Variants in CHSY3 observed in about 807,000 individuals in gnomAD.
CHSY3 encodes the protein N-acetylgalactosaminyl-proteoglycan 3-beta-glucuronosyltransferase 3.
In CHSY3, 35 loss-of-function variants were observed where a neutral mutation model predicts 67.2. The ratio of observed to expected loss-of-function variants is 0.52; its 90% confidence interval spans 0.40 to 0.69. CHSY3 has a LOEUF of 0.69. Ranked by LOEUF, CHSY3 falls within the 30% of genes least tolerant of loss-of-function variation. The pLI is 0.00. For missense variants in CHSY3, 1,069 were observed against 1,138.5 expected, an observed-to-expected ratio of 0.94 and a Z score of 0.88; for synonymous variants, 474 against 434.7, an observed-to-expected ratio of 1.09 and a Z score of -1.12.
At chr5:130,016,843 G>T (rs1463363878) in intron 2 of CHSY3, among the ~76,000 whole-genome samples, 2 of 152,202 alleles carry the variant, frequency 1.3e-5, no homozygotes, top group African/African-American at 4.8e-5. Flanking sequence ...CTTGGATTTT[G>T]TTTAGTGGCA....
At position 130,185,505 on chromosome 5, in the gene CHSY3, G is replaced by T; in HGVS notation, c.2363G>T (p.Ser788Ile). The T allele has an allele frequency of 6.2e-7, 1 of 1,614,158 alleles. No homozygotes were observed. Among genetic ancestry groups the T allele is most frequent in the South Asian group, 1.1e-5 (1 of 91,090 alleles). Reference protein sequence around the residue: ...YGYGITCIYKSDLLGAGGFDT... With the variant: ...YGYGITCIYKIDLLGAGGFDT... Reference sequence around the variant, plus strand: ...TATGGCATCACCTGTATTTACAAAAGTGATCTTCTAGGTGCAGGTGGATTT... The same window carrying T: ...TATGGCATCACCTGTATTTACAAAATTGATCTTCTAGGTGCAGGTGGATTT... The change falls in exon 3 of 3, where the codon AGT becomes ATT. Residue 788 changes from serine to isoleucine, a missense_variant. Physicochemically the swap from Ser to Ile is moderately radical, Grantham distance 142 (BLOSUM62 -2). This residue lies in a region of CHSY3 where 139 missense variants were observed against 152.8 expected (regional missense o/e 0.91). Transcript: ENST00000305031.
At chr5:130,027,202 A>G (rs1764570653) in intron 2 of CHSY3, among the ~76,000 whole-genome samples, 1 of 152,164 alleles carries the variant, frequency 6.6e-6, no homozygotes, top group Non-Finnish European at 1.5e-5. Context: ...AGCAAATTGT[A>G]TAATGTGAGT....
In CHSY3 at chr5:130,185,517, G is replaced by T. The variant is rs201240668; in HGVS notation, c.2375G>T (p.Gly792Val). 3 of 1,614,040 alleles carry T rather than the reference G, an allele frequency of 1.9e-6. No individual in the cohort carries two copies. Among genetic ancestry groups the T allele is most frequent in the Non-Finnish European group, 2.5e-6 (3 of 1,180,022 alleles). ...TGTATTTACAAAAGTGATCTTCTAG[G>T]TGCAGGTGGATTTGATACCTCAATA... ...ITCIYKSDLL[G>V]AGGFDTSIQG... is the part of the protein sequence containing the mutation. Residue 792 changes from glycine to valine, a missense_variant, in exon 3 of 3, where the codon GGT (glycine) becomes GTT (valine). By Grantham distance (109) the Gly-to-Val change is moderately radical. Around this residue, in one of 5 missense-constraint regions of CHSY3, gnomAD observed 139 missense variants for 152.8 expected, o/e 0.91. Transcript: ENST00000305031.
At chr5:130,089,154 T>C (rs1766782265) in intron 2 of CHSY3, among the ~76,000 whole-genome samples, 1 of 138,388 alleles carries the variant, frequency 7.2e-6, no homozygotes, top group Non-Finnish European at 1.5e-5. Context: ...TTCTCACTCA[T>C]AGGTGGGAAT....
chr5:130,176,819 C>G (rs1770068747), intron 2 of CHSY3, among the ~76,000 whole-genome samples: 1 of 152,076 alleles, frequency 6.6e-6, no homozygotes, highest in African/African-American at 2.4e-5. Context: ...GGGAGGGGAA[C>G]ATCACACACC....
chr5:130,143,919 A>G (rs924078803), intron 2 of CHSY3, among the ~76,000 whole-genome samples: 24 of 143,930 alleles, frequency 1.7e-4, no homozygotes, highest in African/African-American at 5.9e-4. Flanking sequence ...ACTTTTACTA[A>G]CTGCATATGA....
intron 2 of CHSY3, among the ~76,000 whole-genome samples, chr5:130,015,549 A>T (rs548973513): frequency 6.6e-6 from 1 of 152,220 alleles, no homozygotes; most frequent in Non-Finnish European, 1.5e-5. Flanking sequence ...TTGCTCTGAC[A>T]TGAGTCAGAA....
chr5:130,147,625 C>G (rs747270567), intron 2 of CHSY3, among the ~76,000 whole-genome samples: 24 of 151,976 alleles, frequency 1.6e-4, no homozygotes, highest in Admixed American at 1.2e-3. Flanking sequence ...TTAACTGGCT[C>G]CTGATTCTGT....
intron 2 of CHSY3, among the ~76,000 whole-genome samples, chr5:129,976,959 T>G (rs6595927): frequency 0.014 from 2,142 of 151,686 alleles, 48 homozygotes; most frequent in African/African-American, 0.049. Flanking sequence ...AAGATGTTCA[T>G]TTTTTAAGTT....
At chr5:129,952,813 A>G (rs1362465106) in intron 2 of CHSY3, among the ~76,000 whole-genome samples, 1 of 152,208 alleles carries the variant, frequency 6.6e-6, no homozygotes, top group Non-Finnish European at 1.5e-5. Flanking sequence ...TGTCTACTAT[A>G]TGCCAGGCAG....
intron 2 of CHSY3, among the ~76,000 whole-genome samples, chr5:130,160,378 A>G (rs376698502): frequency 6.6e-6 from 1 of 152,044 alleles, no homozygotes; most frequent in East Asian, 1.9e-4. Flanking sequence ...TTACTATAAC[A>G]TGGGATGGCC....
At chr5:130,172,060 G>A (rs1769907924) in intron 2 of CHSY3, among the ~76,000 whole-genome samples, 1 of 152,160 alleles carries the variant, frequency 6.6e-6, no homozygotes, top group African/African-American at 2.4e-5. Flanking sequence ...TGTCTGGGTG[G>A]TGAGGTCTGC....
intron 2 of CHSY3, among the ~76,000 whole-genome samples, chr5:130,159,777 G>C (rs1769476375): frequency 6.6e-6 from 1 of 152,258 alleles, no homozygotes; most frequent in East Asian, 1.9e-4. Flanking sequence ...ATAATTTAAA[G>C]GGCAAGAGCA....
chr5:130,087,904 C>T (rs923534913), intron 2 of CHSY3, among the ~76,000 whole-genome samples: 11 of 151,728 alleles, frequency 7.2e-5, no homozygotes, highest in African/African-American at 1.9e-4. Flanking sequence ...GAGCCCACAT[C>T]GCCAAGTCAA....
rs571780425 is a variant in CHSY3 at position 129,905,436 on chromosome 5, G to C, written c.607G>C (p.Val203Leu). 1.2e-6 allele frequency: 2 copies of C among 1,611,656 alleles called. No individual in the cohort carries two copies. Among genetic ancestry groups the C allele is most frequent in the East Asian group, 2.2e-5 (1 of 44,840 alleles). Reference protein sequence around the residue: ...RTWARFIPGRVEFFSSQQPPN... With the variant: ...RTWARFIPGRLEFFSSQQPPN... ...CTGGGCGCGTTTCATCCCGGGCCGC[G>C]TGGAGTTCTTTTCCAGCCAGCAGCC... The change falls in exon 1 of 3, where the codon GTG becomes CTG. Residue 203 changes from valine to leucine, a missense_variant. Transcript: ENST00000305031.
chr5:129,904,491 G>C lies in CHSY3; in HGVS notation c.-339G>C, dbSNP rs1341544900. 4.5e-6 allele frequency: 1 copy of C among 223,646 alleles called. No individual in the cohort carries two copies. The highest frequency in any genetic ancestry group is 8.7e-6 in the Non-Finnish European group (1 of 115,410). 13.9% of individuals were successfully genotyped at this position (223,646 alleles called of 1,614,324 possible). A position where few individuals can be genotyped will look rare whatever the true frequency, so the allele number is the denominator to read the frequency against. On this transcript the variant is annotated 5_prime_UTR_variant, in exon 1 of 3. Transcript: ENST00000305031. ...CTGACAGGGTGGCAGCCTAGGAGCG[G>C]ACGCGTTGCCGCCGCCGCTGCTCCT... is the stretch of plus-strand genomic sequence containing the variant.
chr5:130,128,229 GGTGTGT>G (rs112570550), intron 2 of CHSY3, among the ~76,000 whole-genome samples: 15 of 147,366 alleles, frequency 1.0e-4, no homozygotes, highest in African/African-American at 1.5e-4. Flanking sequence ...AAGAAAATGT[GGTGTGT>G]GTGTGTGTGT....
At chr5:130,182,096 G>A (rs1338078465) in intron 2 of CHSY3, among the ~76,000 whole-genome samples, 1 of 152,034 alleles carries the variant, frequency 6.6e-6, no homozygotes, top group African/African-American at 2.4e-5. Flanking sequence ...GGTTTTCTCA[G>A]TGATAGAACC....
Position 129,908,371 on chromosome 5 carries a change from A to G in CHSY3, c.1086+11A>G. 1.9e-6 allele frequency: 3 copies of G among 1,612,630 alleles called. No individual in the cohort carries two copies. Among genetic ancestry groups the G allele is most frequent in the Non-Finnish European group, 2.5e-6 (3 of 1,178,864 alleles). On this transcript the variant is annotated intron_variant, in intron 2 of 2. Coordinates refer to ENST00000305031, the MANE Select transcript of CHSY3 (RefSeq NM_175856.5). ...GTCTGGTCTTACGAGGTAAGCATGG[A>G]GCTGTGATGAAAATGTTCACATAGT...
Sources: allele counts gnomAD v4.1 joint callset (sites outside exome capture counted in the v4.1 genomes callset), GRCh38; gene constraint gnomAD v4.1.1; regional missense constraint gnomAD v4.1.1; transcripts MANE v1.5; gene names NCBI Gene and HGNC (gene_info 2026-07-23, HGNC 2026-07-21).